CTNNA3: variants seen among roughly 807,000 people sequenced by gnomAD.
CTNNA3 encodes the protein catenin alpha 3, also known as catenin alpha-3.
CTNNA3 carries 76 observed loss-of-function variants against 95.7 expected under a neutral mutation model. The observed-to-expected ratio is 0.79, with a 90% CI of 0.66 to 0.96. The LOEUF is 0.96. CTNNA3 is among the 40% of genes least tolerant of loss of function. CTNNA3 has a pLI of 0.00. For synonymous variants in CTNNA3, 431 were observed against 374.4 expected (o/e 1.15, Z -1.74); for missense variants, 1,191 against 1,089.8 (o/e 1.09, Z -1.31).
chr10:66,554,575 A>G (rs766443001), intron 10 of CTNNA3, among the ~76,000 whole-genome samples: 1 of 152,124 alleles, frequency 6.6e-6, no homozygotes, highest in Non-Finnish European at 1.5e-5. Flanking sequence ...TCTGGAGAAT[A>G]CCATGCAGCC....
intron 5 of CTNNA3, among the ~76,000 whole-genome samples, chr10:67,409,840 A>G (rs747109200): frequency 2.6e-5 from 4 of 152,174 alleles, no homozygotes; most frequent in Admixed American, 6.5e-5. Flanking sequence ...GGCTACTGTT[A>G]AAAAGTCAAA....
At chr10:66,384,400 T>C (rs1254488266) in intron 11 of CTNNA3, among the ~76,000 whole-genome samples, 1 of 151,134 alleles carries the variant, frequency 6.6e-6, no homozygotes, top group African/African-American at 2.4e-5. Context: ...GAGCTAACTA[T>C]CATATATGCA....
intron 5 of CTNNA3, among the ~76,000 whole-genome samples, chr10:67,429,667 T>A (rs1253204817): frequency 6.6e-6 from 1 of 152,012 alleles, no homozygotes; most frequent in East Asian, 1.9e-4. Flanking sequence ...AAATCCCTTA[T>A]TTTTGCCTGA....
In CTNNA3 at chr10:66,102,060, GC is replaced by G. The variant is rs541976200; in HGVS notation, c.1977+1096del. Among the ~76,000 whole-genome samples the G allele has an allele frequency of 4.6e-4, 70 of 152,150 alleles. 1 individual carries two copies. The South Asian group carries it at 0.014, about 31-fold the overall frequency. On this transcript the variant is annotated intron_variant, in intron 14 of 17. Transcript: ENST00000433211. ...TCTTTGCTTGAAATGTTTCTGCAGA[GC>G]TTGTATAACAATATGTCTACAAAAA... is the stretch of plus-strand genomic sequence containing the variant.
chr10:66,411,585 C>T (rs1008717190), intron 11 of CTNNA3, among the ~76,000 whole-genome samples: 1 of 151,976 alleles, frequency 6.6e-6, no homozygotes, highest in Non-Finnish European at 1.5e-5. Flanking sequence ...AATGTGGGTG[C>T]TTGAGACACA....
intron 1 of CTNNA3, among the ~76,000 whole-genome samples, chr10:67,729,187 C>G (rs891227947): frequency 2.6e-5 from 4 of 151,990 alleles, no homozygotes; most frequent in Admixed American, 2.0e-4. Context: ...TTATTGTTCC[C>G]TAAAAGGTAC....
intron 7 of CTNNA3, among the ~76,000 whole-genome samples, chr10:66,985,070 C>T (rs113213519): frequency 4.5e-4 from 68 of 152,226 alleles, no homozygotes; most frequent in African/African-American, 1.5e-3. Context: ...CAGATTTTTC[C>T]GTTGTCTAGA....
intron 5 of CTNNA3, among the ~76,000 whole-genome samples, chr10:67,478,271 C>A (rs1332204640): frequency 6.6e-6 from 1 of 152,146 alleles, no homozygotes; most frequent in African/African-American, 2.4e-5. Context: ...TGAGAGAATA[C>A]TTCAAGAATA....
chr10:67,666,427 A>G (rs1352324271), intron 1 of CTNNA3, among the ~76,000 whole-genome samples: 1 of 152,168 alleles, frequency 6.6e-6, no homozygotes. Flanking sequence ...ACTTATAGAT[A>G]TTTCTACATT....
At chr10:66,240,253 T>C (rs12414168) in intron 13 of CTNNA3, among the ~76,000 whole-genome samples, 33,073 of 151,942 alleles carry the variant, frequency 0.22, 3,677 homozygotes, top group Admixed American at 0.27. Context: ...ATCAATAACA[T>C]TTCAAATGAA....
chr10:67,002,646 T>C (rs1851752887), intron 7 of CTNNA3, among the ~76,000 whole-genome samples: 1 of 152,152 alleles, frequency 6.6e-6, no homozygotes, highest in Non-Finnish European at 1.5e-5. Flanking sequence ...AGCTGGGTAC[T>C]GGGCCATGTA....
chr10:66,742,500 C>T (rs1849360916), intron 9 of CTNNA3, among the ~76,000 whole-genome samples: 1 of 152,082 alleles, frequency 6.6e-6, no homozygotes, highest in Non-Finnish European at 1.5e-5. Flanking sequence ...ATCTCTGTGA[C>T]CCATACCCTA....
chr10:66,589,664 G>A (rs1013655453), intron 10 of CTNNA3, among the ~76,000 whole-genome samples: 7 of 152,108 alleles, frequency 4.6e-5, no homozygotes, highest in African/African-American at 1.4e-4. Flanking sequence ...TTAAGAAATG[G>A]CATACAAGTT....
At chr10:67,750,541 A>G in intron 1 of CTNNA3, 1 of 1,577,796 alleles carries the variant, frequency 6.3e-7, no homozygotes. Flanking sequence ...TCTTTGAGAG[A>G]CCCCTTGTGA....
In CTNNA3 at chr10:66,840,323, A is replaced by ATCTCTCTC. The variant is rs71035189; in HGVS notation, c.1048-64807_1048-64800dup. On this transcript the variant is annotated intron_variant, in intron 7 of 17. Coordinates refer to ENST00000433211, the MANE Select transcript of CTNNA3 (RefSeq NM_013266.4). ...CCTGCATTTCTTCTTCCAAGAAGCCATCTCTCTCTCTCTCTCTCTCTCTCT... is the reference window on the plus strand; with the variant it reads ...CCTGCATTTCTTCTTCCAAGAAGCCATCTCTCTCTCTCTCTCTCTCTCTCTCTCTCTCT... Among the ~76,000 whole-genome samples the ATCTCTCTC allele has an allele frequency of 1.8e-3, 165 of 90,638 alleles. 1 individual carries two copies. The highest frequency in any genetic ancestry group is 0.012 in the East Asian group (20 of 1,646). 59.5% of individuals were successfully genotyped at this position (90,638 alleles called of 152,430 possible). A position where few individuals can be genotyped will look rare whatever the true frequency, so the allele number is the denominator to read the frequency against.
chr10:66,551,896 C>CTTTTTT (rs141885331), intron 10 of CTNNA3, among the ~76,000 whole-genome samples: 42 of 113,962 alleles, frequency 3.7e-4, no homozygotes, highest in Admixed American at 6.0e-4. Context: ...TTTTCTTTTC[C>CTTTTTT]TTTTTTTTTT....
intron 3 of CTNNA3, among the ~76,000 whole-genome samples, chr10:67,603,336 TAG>T (rs911704678): frequency 3.3e-5 from 5 of 152,156 alleles, no homozygotes; most frequent in Non-Finnish European, 5.9e-5. Flanking sequence ...AGGAATATAG[TAG>T]AGTCGAAAAA....
At chr10:66,385,991 C>T (rs2092887453) in intron 11 of CTNNA3, among the ~76,000 whole-genome samples, 1 of 152,142 alleles carries the variant, frequency 6.6e-6, no homozygotes, top group Non-Finnish European at 1.5e-5. Flanking sequence ...CAATATCATA[C>T]TGAATGGGCA....
intron 7 of CTNNA3, among the ~76,000 whole-genome samples, chr10:66,882,608 TA>T (rs1478150791): frequency 6.6e-6 from 1 of 152,128 alleles, no homozygotes; most frequent in Non-Finnish European, 1.5e-5. Context: ...ATATTCTACT[TA>T]AAAGCAACAC....
Sources: gnomAD v4.1 joint callset for allele counts (sites outside exome capture counted in the v4.1 genomes callset) on GRCh38, gnomAD v4.1.1 for gene constraint, MANE v1.5 for transcripts, NCBI Gene and HGNC (gene_info 2026-07-23, HGNC 2026-07-21) for gene names.